TERF2IP: variants seen among roughly 807,000 people sequenced by gnomAD.
TERF2IP encodes telomeric repeat-binding factor 2-interacting protein 1.
In TERF2IP, 35 loss-of-function variants were observed where a neutral mutation model predicts 33.3. The ratio of observed to expected loss-of-function variants is 1.05; its 90% CI spans 0.80 to 1.39. The LOEUF (loss-of-function observed/expected upper bound fraction) is 1.39. TERF2IP is among the 40% of genes most tolerant of loss of function. The pLI is 0.00. For synonymous variants in TERF2IP, 253 were observed against 223.2 expected, an observed-to-expected ratio of 1.13 and a Z score of -1.19; for missense variants, 583 against 524.8, an observed-to-expected ratio of 1.11 and a Z score of -1.08.
At chr16:75,653,681 C>T (rs768397837) in intron 1 of TERF2IP, among the ~76,000 whole-genome samples, 4 of 152,168 alleles carry the variant, frequency 2.6e-5, no homozygotes, top group Admixed American at 1.3e-4. Flanking sequence ...AAACTCCTGT[C>T]TTCTTAGGGC....
At chr16:75,654,250 T>G in intron 1 of TERF2IP, 23 bp from the exon 2 acceptor site, 1 of 1,592,798 alleles carries the variant, frequency 6.3e-7, no homozygotes, top group Non-Finnish European at 8.6e-7. Context: ...ATTGCTAATC[T>G]GTGCTGTTCT....
At chr16:75,649,409 C>T (rs1476654077) in intron 1 of TERF2IP, among the ~76,000 whole-genome samples, 18 of 151,798 alleles carry the variant, frequency 1.2e-4, no homozygotes, top group Admixed American at 1.2e-3. Flanking sequence ...CCGGCCGTGG[C>T]GGAGAGTTCC....
intron 1 of TERF2IP, among the ~76,000 whole-genome samples, chr16:75,650,179 G>A (rs535619869): frequency 6.6e-5 from 10 of 152,312 alleles, no homozygotes; most frequent in Admixed American, 1.3e-4. Context: ...CATGCTAGCT[G>A]GGGAGTGGTA....
Position 75,655,112 on chromosome 16 carries a change from G to T in TERF2IP, c.795+715G>T, listed in dbSNP as rs981450323. Among the ~76,000 whole-genome samples, 21 of 152,326 alleles carry T rather than the reference G, an allele frequency of 1.4e-4. No individual in the cohort carries two copies. In the East Asian group the frequency reaches 4.0e-3, roughly 29 times the overall value. On this transcript the variant is annotated intron_variant, in intron 2 of 2. Transcript: ENST00000300086. ...GCTCACTGTAGCCTCCACCTCCCAG[G>T]TTCCAGCAATTCTTCTGCCTCAGCC...
At chr16:75,655,125 T>G (rs1469159028) in intron 2 of TERF2IP, among the ~76,000 whole-genome samples, 1 of 152,246 alleles carries the variant, frequency 6.6e-6, no homozygotes, top group Non-Finnish European at 1.5e-5. Context: ...CCAGCAATTC[T>G]TCTGCCTCAG....
chr16:75,649,664 G>A (rs1012869045), intron 1 of TERF2IP, among the ~76,000 whole-genome samples: 6 of 152,060 alleles, frequency 3.9e-5, no homozygotes, highest in African/African-American at 9.7e-5. Context: ...TTGCTGTTAT[G>A]TTCAGGTAGA....
At chr16:75,652,120 A>G (rs2082352208) in intron 1 of TERF2IP, among the ~76,000 whole-genome samples, 1 of 152,188 alleles carries the variant, frequency 6.6e-6, no homozygotes, top group African/African-American at 2.4e-5. Context: ...TACTCAGAGT[A>G]CAAATGGGTA....
At chr16:75,649,761 G>A (rs2151817565) in intron 1 of TERF2IP, among the ~76,000 whole-genome samples, 1 of 152,254 alleles carries the variant, frequency 6.6e-6, no homozygotes, top group Non-Finnish European at 1.5e-5. Context: ...GCAGTTGGAA[G>A]GTCTCTTCCT....
Position 75,657,304 on chromosome 16 carries a change from C to CTTGGT in TERF2IP, c.*695_*699dup, listed in dbSNP as rs1330381677. On this transcript the variant is annotated 3_prime_UTR_variant, in exon 3 of 3. Transcript: ENST00000300086. ...CTAGAGAGTGTTAAGAATAATGTTA[C>CTTGGT]TTGGTTAATGTGTTATTTATTGAGT... The CTTGGT allele has an allele frequency of 2.6e-5, 4 of 152,132 alleles. No individual in the cohort carries two copies. Among genetic ancestry groups the CTTGGT allele is most frequent in the Non-Finnish European group, 5.9e-5 (4 of 68,034 alleles). The allele number at this position is 152,132 out of a possible 1,614,324, so 9.4% of individuals were successfully genotyped here.
intron 1 of TERF2IP, among the ~76,000 whole-genome samples, chr16:75,653,135 A>G (rs1237886010): frequency 6.6e-6 from 1 of 152,200 alleles, no homozygotes; most frequent in Non-Finnish European, 1.5e-5. Flanking sequence ...TTGTATGTAT[A>G]TACTACATTT....
At chr16:75,649,659 G>C (rs1173915796) in intron 1 of TERF2IP, among the ~76,000 whole-genome samples, 1 of 152,054 alleles carries the variant, frequency 6.6e-6, no homozygotes, top group Non-Finnish European at 1.5e-5. Context: ...AAAGATTGCT[G>C]TTATGTTCAG....
chr16:75,649,513 C>T (rs2082331061), intron 1 of TERF2IP, among the ~76,000 whole-genome samples: 1 of 150,484 alleles, frequency 6.6e-6, no homozygotes, highest in Non-Finnish European at 1.5e-5. Flanking sequence ...CACTGCTCTC[C>T]AGCGTGGGTG....
chr16:75,648,694 C>T, intron 1 of TERF2IP, 142 bp downstream of exon 1: 1 of 1,432,598 alleles, frequency 7.0e-7, no homozygotes, highest in South Asian at 1.5e-5. Flanking sequence ...TAAATTTGCA[C>T]CATTTTCTTG....
rs370337581 is a variant in TERF2IP, at chr16:75,654,294, C to A, written c.692C>A (p.Pro231Gln). 13 of 1,613,500 alleles carry A rather than the reference C, an allele frequency of 8.1e-6. No homozygotes were observed. The South Asian group carries it at 1.4e-4, about 18-fold the overall frequency. Residue 231 changes from proline (P) to glutamine (Q), a missense_variant, in exon 2 of 3, where the codon CCA becomes CAA. Pro to Gln is a moderately conservative substitution (Grantham distance 76). Coordinates refer to ENST00000300086, the MANE Select transcript of TERF2IP (RefSeq NM_018975.4). ...DSGEPQNKRTPDLPEEEYVKE... is the reference protein window; with the variant it reads ...DSGEPQNKRTQDLPEEEYVKE... Reference sequence around the variant, plus strand: ...ACAGAACCACAGAATAAGAGAACTCCAGATTTGCCTGAAGAAGAGTATGTG... The same window carrying A: ...ACAGAACCACAGAATAAGAGAACTCAAGATTTGCCTGAAGAAGAGTATGTG...
intron 1 of TERF2IP, among the ~76,000 whole-genome samples, chr16:75,652,882 G>A (rs1239108911): frequency 6.6e-6 from 1 of 151,852 alleles, no homozygotes; most frequent in Non-Finnish European, 1.5e-5. Context: ...TGCTTCTAGG[G>A]GTCAGAAACA....
intron 1 of TERF2IP, among the ~76,000 whole-genome samples, chr16:75,652,074 A>G (rs926629179): frequency 6.6e-6 from 1 of 152,186 alleles, no homozygotes; most frequent in South Asian, 2.1e-4. Context: ...TCCCTTAAAC[A>G]TGGCAGTTTT....
At chr16:75,649,848 G>A (rs1384890037) in intron 1 of TERF2IP, among the ~76,000 whole-genome samples, 2 of 152,164 alleles carry the variant, frequency 1.3e-5, no homozygotes, top group Non-Finnish European at 2.9e-5. Context: ...GATACAGAAC[G>A]AGTCTGTTAA....
At chr16:75,653,952 A>G (rs1164862038) in intron 1 of TERF2IP, among the ~76,000 whole-genome samples, 5 of 152,146 alleles carry the variant, frequency 3.3e-5, no homozygotes. Context: ...TTTATGACAC[A>G]TTTTTATTAA....
chr16:75,648,704 G>A (rs1397908604), intron 1 of TERF2IP, 152 bp downstream of exon 1: 2 of 1,432,094 alleles, frequency 1.4e-6, no homozygotes, highest in Non-Finnish European at 1.8e-6. Flanking sequence ...CCATTTTCTT[G>A]CCTTCTCGCT....
Sources: gnomAD v4.1 joint callset for allele counts (sites outside exome capture counted in the v4.1 genomes callset) on GRCh38, gnomAD v4.1.1 for gene constraint, MANE v1.5 for transcripts, NCBI Gene and HGNC (gene_info 2026-07-23, HGNC 2026-07-21) for gene names.